Variants in TNS3 observed in about 807,000 individuals in gnomAD.
The protein encoded by TNS3 is tensin 3, also known as tensin-3.
A neutral mutation model predicts 140.9 loss-of-function variants in TNS3; 45 were observed. That is an observed-to-expected ratio of 0.32 (90% CI 0.25 to 0.41). The LOEUF (loss-of-function observed/expected upper bound fraction) is 0.41, where lower values mean the gene tolerates loss of function less well. Among genes scored for constraint, TNS3 ranks in the 10% least tolerant of loss-of-function variants. The pLI is 1.00. For missense variants in TNS3, 1,716 were observed against 1,906.7 expected (o/e 0.90, Z 1.86); for synonymous variants, 815 against 788.4 (o/e 1.03, Z -0.56).
chr7:47,395,711 C>T (rs1330506617), intron 16 of TNS3, among the ~76,000 whole-genome samples: 1 of 152,220 alleles, frequency 6.6e-6, no homozygotes, highest in Non-Finnish European at 1.5e-5. Context: ...CAGAGCAAAG[C>T]TCTCCCCGTC....
chr7:47,429,980 A>G (rs1452898053), intron 8 of TNS3, among the ~76,000 whole-genome samples: 2 of 152,138 alleles, frequency 1.3e-5, no homozygotes, highest in Admixed American at 1.3e-4. Flanking sequence ...TCTTGCATAA[A>G]ACTATATTTG....
chr7:47,288,147 C>A (rs1378954306), intron 27 of TNS3, among the ~76,000 whole-genome samples: 1 of 152,144 alleles, frequency 6.6e-6, no homozygotes, highest in Non-Finnish European at 1.5e-5. Flanking sequence ...CCATATAGGG[C>A]TGAATGGGCA....
chr7:47,545,926 G>A (rs1370932335), intron 1 of TNS3, among the ~76,000 whole-genome samples: 2 of 152,122 alleles, frequency 1.3e-5, no homozygotes, highest in Non-Finnish European at 2.9e-5. Context: ...CCACAGTCAG[G>A]GGACTCCACA....
intron 2 of TNS3, among the ~76,000 whole-genome samples, chr7:47,515,089 C>A (rs1366151258): frequency 6.6e-6 from 1 of 152,216 alleles, no homozygotes; most frequent in East Asian, 1.9e-4. Context: ...TCTATCTTTT[C>A]TTTCCCTTAC....
At chr7:47,359,898 CT>C (rs1327628949) in intron 17 of TNS3, among the ~76,000 whole-genome samples, 1 of 152,110 alleles carries the variant, frequency 6.6e-6, no homozygotes, top group African/African-American at 2.4e-5. Context: ...AGAAGGTGGG[CT>C]GGAATCCACA....
intron 4 of TNS3, among the ~76,000 whole-genome samples, chr7:47,471,802 T>C (rs1465000783): frequency 6.6e-6 from 1 of 152,206 alleles, no homozygotes; most frequent in African/African-American, 2.4e-5. Context: ...CAGATGAGGC[T>C]GGAGAGGTGT....
In TNS3 at chr7:47,302,261, C is replaced by T. The variant is rs1164120259; in HGVS notation, c.3469G>A (p.Asp1157Asn). The change falls in exon 23 of 31, where the codon GAT becomes AAT. Residue 1157 changes from aspartate to asparagine, a missense_variant. By Grantham distance (23) the Asp-to-Asn change is conservative. Coordinates refer to ENST00000311160, the MANE Select transcript of TNS3 (RefSeq NM_022748.12). ...AASPLPDSPG[D>N]KLVIVKFVQD... ...ACAAATTTCACGATCACAAGTTTAT[C>T]ACCTGGACTATCTGTAAAGCAAAAT... is the stretch of plus-strand genomic sequence containing the variant. 4.3e-6 allele frequency: 7 copies of T among 1,613,982 alleles called. No homozygotes were observed. In the Admixed American group the frequency reaches 1.2e-4, roughly 27 times the overall value.
intron 11 of TNS3, among the ~76,000 whole-genome samples, 170 bp downstream of exon 11, chr7:47,414,924 A>G (rs193045701): frequency 7.9e-5 from 12 of 152,062 alleles, no homozygotes; most frequent in African/African-American, 2.7e-4. Context: ...CCACATAAAC[A>G]TGGGGCTCTG....
chr7:47,458,250 C>A (rs1796338771), intron 4 of TNS3, among the ~76,000 whole-genome samples: 1 of 152,238 alleles, frequency 6.6e-6, no homozygotes, highest in African/African-American at 2.4e-5. Context: ...GGCCCACGGG[C>A]TCCTCCCAAC....
Position 47,480,122 on chromosome 7 carries a change from G to A in TNS3, c.-76+981C>T, listed in dbSNP as rs568879046. On this transcript the variant is annotated intron_variant, in intron 4 of 30. Transcript: ENST00000311160. ...CCTACTGCACCACAAGACAGAGCCA[G>A]TTAGCCAGTTCCATGTCTGGAGGCC... is the stretch of plus-strand genomic sequence containing the variant. Among the ~76,000 whole-genome samples the A allele has an allele frequency of 3.5e-4, 54 of 152,372 alleles. 1 individual carries two copies. The South Asian group carries it at 0.011, about 30-fold the overall frequency.
chr7:47,485,897 C>A (rs1012859953), intron 3 of TNS3, among the ~76,000 whole-genome samples: 1 of 152,132 alleles, frequency 6.6e-6, no homozygotes, highest in Non-Finnish European at 1.5e-5. Context: ...GCCACCAAGT[C>A]ATGACTGTGT....
intron 20 of TNS3, among the ~76,000 whole-genome samples, chr7:47,310,719 A>G (rs1308597336): frequency 6.6e-6 from 1 of 152,220 alleles, no homozygotes; most frequent in Non-Finnish European, 1.5e-5. Flanking sequence ...GAATTTCACC[A>G]AAGAACTGAA....
At chr7:47,470,444 T>C in intron 4 of TNS3, 1 of 985,392 alleles carries the variant, frequency 1.0e-6, no homozygotes. Flanking sequence ...CCACTCAACC[T>C]GATTTTTCTT....
chr7:47,358,941 A>T (rs1010738680), intron 17 of TNS3, among the ~76,000 whole-genome samples: 22 of 152,092 alleles, frequency 1.4e-4, no homozygotes, highest in African/African-American at 5.3e-4. Flanking sequence ...CAAATGAAAC[A>T]CCCCAGAGAC....
intron 3 of TNS3, among the ~76,000 whole-genome samples, chr7:47,505,592 G>A (rs149026660): frequency 3.3e-5 from 5 of 151,906 alleles, no homozygotes; most frequent in Admixed American, 2.0e-4. Flanking sequence ...GTTCAGGAAG[G>A]GGGCAGCAAG....
Position 47,506,948 on chromosome 7 carries a change from GGAAA to G in TNS3, c.-152-8_-152-5del. On this transcript the variant is annotated splice_polypyrimidine_tract_variant and splice_region_variant and intron_variant, in intron 2 of 30. Transcript: ENST00000311160. Reference sequence around the variant, plus strand: ...TTGTGGCAGGAATACTTGCAGGCTGGGAAAAAAAAAAAGAGAAAGAATGTGTGTC... The same window carrying G: ...TTGTGGCAGGAATACTTGCAGGCTGGAAAAAAAAGAGAAAGAATGTGTGTC... The G allele has an allele frequency of 1.8e-6, 2 of 1,093,744 alleles. No individual in the cohort carries two copies. The highest frequency in any genetic ancestry group is 2.9e-5 in the South Asian group (2 of 69,062). 67.8% of individuals were successfully genotyped at this position (1,093,744 alleles called of 1,614,324 possible). A position where few individuals can be genotyped will look rare whatever the true frequency, so the allele number is the denominator to read the frequency against.
intron 20 of TNS3, among the ~76,000 whole-genome samples, chr7:47,338,164 CAGG>C (rs571495896): frequency 1.1e-3 from 160 of 152,324 alleles, no homozygotes; most frequent in Middle Eastern, 3.4e-3. Context: ...AGTTCCTGTA[CAGG>C]TTTTATGTGA....
chr7:47,392,510 G>A (rs1792586187), intron 16 of TNS3, among the ~76,000 whole-genome samples: 1 of 152,096 alleles, frequency 6.6e-6, no homozygotes, highest in Non-Finnish European at 1.5e-5. Flanking sequence ...GGCAGGGGTG[G>A]AAAAGAGAGT....
intron 1 of TNS3, among the ~76,000 whole-genome samples, chr7:47,547,010 C>T (rs2151975270): frequency 6.6e-6 from 1 of 152,386 alleles, no homozygotes; most frequent in South Asian, 2.1e-4. Context: ...CTGTGGCCTC[C>T]TATCTGCTGC....
Sources: gnomAD v4.1 joint callset for allele counts (sites outside exome capture counted in the v4.1 genomes callset) on GRCh38, gnomAD v4.1.1 for gene constraint, MANE v1.5 for transcripts, NCBI Gene and HGNC (gene_info 2026-07-23, HGNC 2026-07-21) for gene names.